Variants in GATAD2B observed in about 807,000 individuals in gnomAD.
The protein encoded by GATAD2B is transcriptional repressor p66-beta.
Under a neutral mutation model 64.3 loss-of-function variants are expected in GATAD2B, and 8 were observed. The ratio of observed to expected loss-of-function variants is 0.12; its 90% CI spans 0.07 to 0.22. The LOEUF is 0.22. Among genes scored for constraint, GATAD2B ranks in the 10% least tolerant of loss-of-function variants. GATAD2B has a pLI of 1.00. For missense variants in GATAD2B, 453 were observed against 752.0 expected, an observed-to-expected ratio of 0.60 and a Z score of 4.65; for synonymous variants, 281 against 271.3, an observed-to-expected ratio of 1.04 and a Z score of -0.35.
intron 2 of GATAD2B, 34 bp downstream of exon 2, chr1:153,827,979 C>A: frequency 1.3e-6 from 2 of 1,511,586 alleles, no homozygotes; most frequent in South Asian, 1.1e-5. Context: ...TATGAGACGA[C>A]CCTATCCCTG....
Position 153,807,063 on chromosome 1 carries a change from T to A in GATAD2B, c.*3114A>T, listed in dbSNP as rs1674132936. On this transcript the variant is annotated 3_prime_UTR_variant, in exon 11 of 11. Transcript: ENST00000368655. ...CAAATTATAAAATAAAATCGACAAA[T>A]AAGAACCTCTGTCCCCTAGTTTTAC... 6.6e-6 allele frequency: 1 copy of A among 151,976 alleles called. No individual in the cohort carries two copies. Among genetic ancestry groups the A allele is most frequent in the Non-Finnish European group, 1.5e-5 (1 of 67,980 alleles). The allele number at this position is 151,976 out of a possible 1,614,324, so 9.4% of individuals were successfully genotyped here.
chr1:153,880,163 G>C (rs934126553), intron 1 of GATAD2B, among the ~76,000 whole-genome samples: 1 of 149,852 alleles, frequency 6.7e-6, no homozygotes, highest in African/African-American at 2.5e-5. Context: ...TGGCAATTCT[G>C]AATGATTAGA....
chr1:153,815,081 CAAAAAAAAAAAAAAAAA>C (rs58874063), intron 7 of GATAD2B, among the ~76,000 whole-genome samples: 10 of 25,374 alleles, frequency 3.9e-4, no homozygotes, highest in African/African-American at 1.9e-3. Flanking sequence ...GACTCTGTCT[CAAAAAAAAAAAAAAAAA>C]AAAAAAAAAA....
In GATAD2B at chr1:153,840,217, A is replaced by G. The variant is rs1472075526; in HGVS notation, c.-1-11869T>C. ...CCGGCTAATTTTTTGTATTTTTAGT[A>G]GAGACGGGGGTTTCACCATGTTGTC... On this transcript the variant is annotated intron_variant, in intron 1 of 10. Transcript: ENST00000368655. 2.3e-4 allele frequency among the ~76,000 whole-genome samples: 35 copies of G among 150,786 alleles called. 1 individual carries two copies. The highest frequency in any genetic ancestry group is 8.5e-4 in the African/African-American group (35 of 41,084).
intron 1 of GATAD2B, among the ~76,000 whole-genome samples, chr1:153,849,641 TTC>T (rs1313402648): frequency 6.6e-6 from 1 of 152,178 alleles, no homozygotes; most frequent in Non-Finnish European, 1.5e-5. Context: ...ACCTTGTTTT[TTC>T]TTTTTTTGAG....
intron 1 of GATAD2B, among the ~76,000 whole-genome samples, chr1:153,859,567 G>T (rs1207190830): frequency 5.3e-5 from 8 of 151,544 alleles, no homozygotes; most frequent in African/African-American, 1.9e-4. Flanking sequence ...CTGCTCGGGA[G>T]GCTGAGACAG....
At chr1:153,918,915 C>T (rs1396158092) in intron 1 of GATAD2B, among the ~76,000 whole-genome samples, 1 of 152,084 alleles carries the variant, frequency 6.6e-6, no homozygotes, top group East Asian at 1.9e-4. Context: ...CACACCACTG[C>T]ACTCCAGCCT....
intron 1 of GATAD2B, among the ~76,000 whole-genome samples, chr1:153,858,015 GGA>G (rs1332977862): frequency 2.0e-5 from 3 of 152,108 alleles, no homozygotes; most frequent in African/African-American, 7.2e-5. Context: ...GGAGAAATCT[GGA>G]GATGCAATTG....
In GATAD2B at chr1:153,818,087, G is replaced by A. The variant is rs1674545710; in HGVS notation, c.682C>T (p.Arg228Trp). The change falls in exon 5 of 11, where the codon CGG becomes TGG. Residue 228 changes from arginine to tryptophan, a missense_variant. Physicochemically the swap from Arg to Trp is moderately radical, Grantham distance 101. Coordinates refer to ENST00000368655, the MANE Select transcript of GATAD2B (RefSeq NM_020699.4). ...GGTTCAACCCCTTGGGCCCCAGGCC[G>A]AGAGGGAAGCTTAGATAGGCCCTGC... ...GQQGLSKLPSRPGAQGVEPQN... is the reference protein window; with the variant it reads ...GQQGLSKLPSWPGAQGVEPQN... 2.5e-6 allele frequency: 4 copies of A among 1,612,752 alleles called. No homozygotes were observed. Among genetic ancestry groups the A allele is most frequent in the Admixed American group, 1.7e-5 (1 of 59,856 alleles).
intron 1 of GATAD2B, among the ~76,000 whole-genome samples, chr1:153,906,276 A>G (rs2101964800): frequency 6.7e-6 from 1 of 149,984 alleles, no homozygotes; most frequent in East Asian, 2.0e-4. Flanking sequence ...AAAATTAGCC[A>G]GGTGTGGTGG....
At chr1:153,840,033 T>C (rs1248247712) in intron 1 of GATAD2B, among the ~76,000 whole-genome samples, 1 of 142,720 alleles carries the variant, frequency 7.0e-6, no homozygotes, top group African/African-American at 2.6e-5. Context: ...TTTCTTTTTT[T>C]TTTTTTTTTT....
At chr1:153,865,676 A>G (rs2101925123) in intron 1 of GATAD2B, among the ~76,000 whole-genome samples, 1 of 152,330 alleles carries the variant, frequency 6.6e-6, no homozygotes, top group Non-Finnish European at 1.5e-5. Flanking sequence ...CACATATATA[A>G]ACCAAGTATT....
In GATAD2B at chr1:153,828,145, T is replaced by C. The variant is rs992162898; in HGVS notation, c.203A>G (p.Asp68Gly). 1.9e-6 allele frequency: 3 copies of C among 1,614,186 alleles called. No individual in the cohort carries two copies. Among genetic ancestry groups the C allele is most frequent in the African/African-American group, 2.7e-5 (2 of 75,046 alleles). The change falls in exon 2 of 11, where the codon GAT (aspartate) becomes GGT (glycine). Residue 68 changes from aspartate (D) to glycine (G), a missense_variant. Physicochemically the swap from Asp to Gly is moderately conservative, Grantham distance 94. Coordinates refer to ENST00000368655, the MANE Select transcript of GATAD2B (RefSeq NM_020699.4). ...TTCATAGCCCTTGACACCACTGCCA[T>C]CCTGTTTGGTGGGTAACTCATGTGG... ...EVPHELPTKQ[D>G]GSGVKGYEEK...
In GATAD2B at chr1:153,812,063, T is replaced by C. The variant is rs746518290; in HGVS notation, c.1489A>G (p.Ser497Gly). 1 of 1,612,958 alleles carries C rather than the reference T, an allele frequency of 6.2e-7. No individual in the cohort carries two copies. Among genetic ancestry groups the C allele is most frequent in the South Asian group, 1.1e-5 (1 of 91,044 alleles). Residue 497 changes from serine (S) to glycine (G), a missense_variant, in exon 9 of 11, where the codon AGT becomes GGT. By Grantham distance (56) the Ser-to-Gly change is moderately conservative (BLOSUM62 0). Transcript: ENST00000368655. The part of the protein sequence containing the change: ...PTTAPAVSSV[S>G]KQETIMRHHT... ...TGTCTCATGATGGTCTCTTGTTTAC[T>C]GACACTGGACACAGCTGGAGCCGTA...
At chr1:153,855,918 A>C (rs1015427752) in intron 1 of GATAD2B, among the ~76,000 whole-genome samples, 6 of 151,838 alleles carry the variant, frequency 4.0e-5, no homozygotes, top group Non-Finnish European at 7.4e-5. Context: ...CCTGGCCTCA[A>C]CTGATTCATC....
rs375602657 is a variant in GATAD2B, at chr1:153,872,984, TA to T, written c.-1-44637del. Among the ~76,000 whole-genome samples, 54 of 148,134 alleles carry T rather than the reference TA, an allele frequency of 3.6e-4. No homozygotes were observed. In the East Asian group the frequency reaches 8.7e-3, roughly 24 times the overall value. On this transcript the variant is annotated intron_variant, in intron 1 of 10. Transcript: ENST00000368655. ...TTCTTAAATGAAACTTTTTTTTTTT[TA>T]CTGCAAATTTAAACTGCATGACAAT... is the stretch of plus-strand genomic sequence containing the variant.
intron 2 of GATAD2B, among the ~76,000 whole-genome samples, chr1:153,821,863 G>A (rs1442386197): frequency 6.6e-6 from 1 of 151,632 alleles, no homozygotes; most frequent in Non-Finnish European, 1.5e-5. Context: ...ACTGTGCCCG[G>A]CCTGAATTCA....
At position 153,810,617 on chromosome 1, in the gene GATAD2B, G is replaced by A. The variant is rs117045350; in HGVS notation, c.1649-307C>T. 2.3e-4 allele frequency among the ~76,000 whole-genome samples: 35 copies of A among 152,054 alleles called. No individual in the cohort carries two copies. The East Asian group carries it at 5.6e-3, about 24-fold the overall frequency. On this transcript the variant is annotated intron_variant, in intron 10 of 10. Coordinates refer to ENST00000368655, the MANE Select transcript of GATAD2B (RefSeq NM_020699.4). ...TTATAGGCGCGTGCCACTACTGCCC[G>A]GCTATTTTTTGTATTTTTAGTAGAG...
chr1:153,913,446 T>C (rs531589369), intron 1 of GATAD2B, among the ~76,000 whole-genome samples: 7 of 152,252 alleles, frequency 4.6e-5, no homozygotes, highest in South Asian at 4.1e-4. Flanking sequence ...ATTAACAAAA[T>C]TGAAACCTTA....
Sources: allele counts gnomAD v4.1 joint callset (sites outside exome capture counted in the v4.1 genomes callset), GRCh38; gene constraint gnomAD v4.1.1; transcripts MANE v1.5; gene names NCBI Gene and HGNC (gene_info 2026-07-23, HGNC 2026-07-21).